TTC28: variants seen among roughly 807,000 people sequenced by gnomAD.
TTC28 encodes the protein tetratricopeptide repeat protein 28.
Under a neutral mutation model 198.0 loss-of-function variants are expected in TTC28, and 61 were observed. The observed-to-expected ratio is 0.31, with a 90% confidence interval of 0.25 to 0.38. TTC28 has a LOEUF of 0.38. Among genes scored for constraint, TTC28 ranks in the 10% least tolerant of loss-of-function variants. The probability of loss-of-function intolerance (pLI) is 1.00; values close to 1 mark genes in which losing one functional copy is unlikely to be tolerated. For missense variants in TTC28, 2,678 were observed against 3,164.0 expected, an observed-to-expected ratio of 0.85 and a Z score of 3.69; for synonymous variants, 1,171 against 1,297.8, an observed-to-expected ratio of 0.90 and a Z score of 2.10.
intron 2 of TTC28, among the ~76,000 whole-genome samples, chr22:28,432,270 A>G (rs2047443227): frequency 6.6e-6 from 1 of 151,958 alleles, no homozygotes; most frequent in African/African-American, 2.4e-5. Context: ...TGGGTGACAG[A>G]GCGAGACTCT....
chr22:28,521,613 T>C (rs537918922), intron 2 of TTC28, among the ~76,000 whole-genome samples: 5 of 152,266 alleles, frequency 3.3e-5, no homozygotes, highest in South Asian at 2.1e-4. Flanking sequence ...AGCCGTAAGA[T>C]TGCTTCTGGA....
intron 2 of TTC28, among the ~76,000 whole-genome samples, chr22:28,467,041 G>A (rs1056962534): frequency 6.6e-6 from 1 of 152,182 alleles, no homozygotes; most frequent in East Asian, 1.9e-4. Flanking sequence ...TATAAATCAT[G>A]TTCCATCTAC....
At chr22:28,437,895 C>A (rs749087553) in intron 2 of TTC28, among the ~76,000 whole-genome samples, 4 of 152,032 alleles carry the variant, frequency 2.6e-5, no homozygotes, top group Non-Finnish European at 5.9e-5. Flanking sequence ...ATGACATTTG[C>A]AATAAATCCA....
chr22:28,310,179 A>C (rs1238107995), intron 2 of TTC28, among the ~76,000 whole-genome samples: 1 of 132,418 alleles, frequency 7.6e-6, no homozygotes, highest in African/African-American at 2.7e-5. Context: ...CACACAAAAA[A>C]CAAGACAAGA....
At chr22:28,455,713 C>CAAA in intron 2 of TTC28, among the ~76,000 whole-genome samples, 1 of 121,950 alleles carries the variant, frequency 8.2e-6, no homozygotes, top group African/African-American at 3.0e-5. Context: ...GACTCTTTCC[C>CAAA]AAAAAAAAAA....
intron 5 of TTC28, among the ~76,000 whole-genome samples, chr22:28,230,732 G>A (rs1444422477): frequency 6.6e-6 from 1 of 152,184 alleles, no homozygotes; most frequent in East Asian, 1.9e-4. Flanking sequence ...ATTAAGTCAA[G>A]TGTGAGTTGA....
chr22:28,114,349 G>A (rs1157515206), intron 6 of TTC28, among the ~76,000 whole-genome samples: 1 of 152,230 alleles, frequency 6.6e-6, no homozygotes, highest in South Asian at 2.1e-4. Flanking sequence ...TCACATATAA[G>A]TTCTTCTACA....
chr22:28,155,234 G>C (rs1462337942), intron 6 of TTC28, among the ~76,000 whole-genome samples: 1 of 152,180 alleles, frequency 6.6e-6, no homozygotes, highest in Non-Finnish European at 1.5e-5. Flanking sequence ...TCCCTAACTA[G>C]TTGCCCCTCT....
intron 2 of TTC28, among the ~76,000 whole-genome samples, chr22:28,324,616 A>C (rs555907524): frequency 6.6e-6 from 1 of 152,220 alleles, no homozygotes. Context: ...AATCCACTAC[A>C]TAACAGAACA....
chr22:28,531,291 A>C (rs2049133740), intron 2 of TTC28, among the ~76,000 whole-genome samples: 2 of 152,224 alleles, frequency 1.3e-5, no homozygotes, highest in South Asian at 4.1e-4. Flanking sequence ...TTAAATAAAC[A>C]AAGATCAAAA....
At position 28,590,034 on chromosome 22, in the gene TTC28, C is replaced by CAA. The variant is rs71194779; in HGVS notation, c.381+39516_381+39517dup. On this transcript the variant is annotated intron_variant, in intron 2 of 22. Transcript: ENST00000397906. ...CCTGGGCAACAGAACAAGACTCCAT[C>CAA]AAAAAAAAAAAAAAAAAAAAAAAAA... Among the ~76,000 whole-genome samples, 102 of 68,044 alleles carry CAA rather than the reference C, an allele frequency of 1.5e-3. 8 individuals carry two copies. The highest frequency in any genetic ancestry group is 7.4e-3 in the African/African-American group (72 of 9,732). 44.6% of individuals were successfully genotyped at this position (68,044 alleles called of 152,430 possible).
At chr22:28,579,765 T>C (rs1451092546) in intron 2 of TTC28, among the ~76,000 whole-genome samples, 1 of 151,824 alleles carries the variant, frequency 6.6e-6, no homozygotes, top group Non-Finnish European at 1.5e-5. Context: ...GGTCAGGAGT[T>C]CAAGACCAGC....
intron 2 of TTC28, among the ~76,000 whole-genome samples, chr22:28,433,855 G>A (rs1044985124): frequency 1.3e-5 from 2 of 152,112 alleles, no homozygotes; most frequent in Non-Finnish European, 2.9e-5. Context: ...TCAGAAAAGG[G>A]GAAACTATAG....
chr22:28,183,065 TTA>T (rs1056069979), intron 5 of TTC28, among the ~76,000 whole-genome samples: 4 of 151,572 alleles, frequency 2.6e-5, no homozygotes, highest in Non-Finnish European at 5.9e-5. Context: ...TTTTTTTTTT[TTA>T]AATGTTGTAG....
chr22:28,446,748 G>C (rs2047709038), intron 2 of TTC28, among the ~76,000 whole-genome samples: 3 of 152,018 alleles, frequency 2.0e-5, no homozygotes, highest in African/African-American at 7.3e-5. Context: ...CCCAGTCTCA[G>C]GTAATTTACA....
chr22:28,219,834 A>G lies in TTC28; in HGVS notation c.934-56235T>C, dbSNP rs191411565. Among the ~76,000 whole-genome samples the G allele has an allele frequency of 1.9e-3, 283 of 152,352 alleles. 1 individual carries two copies. The highest frequency in any genetic ancestry group is 2.7e-3 in the Non-Finnish European group (183 of 68,032). ...ATTTTCTGCCAGTAAACCTTTGTGA[A>G]GTGTCTCAGTTTCAAAAGGGATGAC... On this transcript the variant is annotated intron_variant, in intron 5 of 22. Coordinates refer to ENST00000397906, the MANE Select transcript of TTC28 (RefSeq NM_001145418.2).
intron 12 of TTC28, among the ~76,000 whole-genome samples, chr22:28,089,386 T>C (rs944011128): frequency 2.6e-5 from 4 of 151,216 alleles, no homozygotes; most frequent in Non-Finnish European, 5.9e-5. Context: ...AAATTGGAAA[T>C]CATCATTCTC....
In TTC28 at chr22:28,663,433, T is replaced by C. The variant is rs1306808191; in HGVS notation, c.102+16189A>G. 2.1e-5 allele frequency among the ~76,000 whole-genome samples: 3 copies of C among 144,698 alleles called. No homozygotes were observed. In the South Asian group the frequency reaches 6.9e-4, roughly 33 times the overall value. The allele number at this position is 144,698 out of a possible 152,430, so 94.9% of individuals were successfully genotyped here. ...GCCAGACAGTGGGCGCAGGCCAGTG[T>C]GTGTGCGCACCGTGCGCGAGCCGAA... On this transcript the variant is annotated intron_variant, in intron 1 of 22. Coordinates refer to ENST00000397906, the MANE Select transcript of TTC28 (RefSeq NM_001145418.2).
At chr22:28,037,484 C>G (rs1486536015) in intron 12 of TTC28, among the ~76,000 whole-genome samples, 7 of 152,244 alleles carry the variant, frequency 4.6e-5, no homozygotes, top group South Asian at 2.1e-4. Flanking sequence ...ATGCTAAAAA[C>G]TCTCAATAAA....
Sources: gnomAD v4.1 joint callset for allele counts (sites outside exome capture counted in the v4.1 genomes callset) on GRCh38, gnomAD v4.1.1 for gene constraint, MANE v1.5 for transcripts, NCBI Gene and HGNC (gene_info 2026-07-23, HGNC 2026-07-21) for gene names.